The following LYPLA1 variants were observed in gnomAD, a reference collection of about 807,000 sequenced individuals.
LYPLA1 encodes the protein acyl-protein thioesterase 1.
Under a neutral mutation model 34.0 loss-of-function variants are expected in LYPLA1, and 17 were observed. The ratio of observed to expected loss-of-function variants is 0.50; its 90% CI spans 0.34 to 0.75. The LOEUF (loss-of-function observed/expected upper bound fraction) is 0.75. Ranked by LOEUF, LYPLA1 falls within the 30% of genes least tolerant of loss-of-function variation. The probability of loss-of-function intolerance (pLI) is 0.01; values close to 1 mark genes in which losing one functional copy is unlikely to be tolerated. For synonymous variants in LYPLA1, 98 were observed against 100.8 expected (o/e 0.97, Z 0.17); for missense variants, 203 against 288.8 (o/e 0.70, Z 2.15).
At chr8:54,051,604 C>T (rs900435645) in intron 7 of LYPLA1, among the ~76,000 whole-genome samples, 17 of 151,926 alleles carry the variant, frequency 1.1e-4, no homozygotes, top group African/African-American at 2.7e-4. Flanking sequence ...CGTGCCACCA[C>T]GCCCAGCTAA....
At chr8:54,075,513 C>G (rs996668107) in intron 2 of LYPLA1, among the ~76,000 whole-genome samples, 2 of 152,150 alleles carry the variant, frequency 1.3e-5, no homozygotes, top group Non-Finnish European at 2.9e-5. Context: ...AGCCACCCAC[C>G]TGGGGACAGA....
At chr8:54,089,901 T>C (rs1342204628) in intron 2 of LYPLA1, among the ~76,000 whole-genome samples, 1 of 152,224 alleles carries the variant, frequency 6.6e-6, no homozygotes, top group Non-Finnish European at 1.5e-5. Context: ...CTGAAACTAT[T>C]GCTACGGAAT....
intron 2 of LYPLA1, among the ~76,000 whole-genome samples, chr8:54,092,330 CAGAG>C (rs1011272758): frequency 1.4e-5 from 2 of 145,972 alleles, no homozygotes; most frequent in Non-Finnish European, 3.0e-5. Context: ...AAGGAGGAGA[CAGAG>C]AGAGAAGGAG....
chr8:54,085,140 C>G (rs1808618146), intron 2 of LYPLA1, among the ~76,000 whole-genome samples: 1 of 152,244 alleles, frequency 6.6e-6, no homozygotes, highest in South Asian at 2.1e-4. Flanking sequence ...GCGCGCACTG[C>G]CACGCCTGAC....
chr8:54,084,622 G>A (rs1014581481), intron 2 of LYPLA1, among the ~76,000 whole-genome samples: 2 of 151,586 alleles, frequency 1.3e-5, no homozygotes, highest in African/African-American at 4.8e-5. Context: ...TCTTTGAAAA[G>A]ATCAACAAAA....
chr8:54,073,620 C>T, intron 2 of LYPLA1: 2 of 508,678 alleles, frequency 3.9e-6, no homozygotes, highest in Non-Finnish European at 7.1e-6. Flanking sequence ...ATGCAAATTT[C>T]ATGACCAGTA....
At chr8:54,086,824 T>C (rs1287008665) in intron 2 of LYPLA1, among the ~76,000 whole-genome samples, 1 of 152,158 alleles carries the variant, frequency 6.6e-6, no homozygotes, top group Non-Finnish European at 1.5e-5. Context: ...CACTCTAGCC[T>C]GGGTGACAGA....
chr8:54,082,525 C>T (rs1486259795), intron 2 of LYPLA1, among the ~76,000 whole-genome samples: 1 of 152,008 alleles, frequency 6.6e-6, no homozygotes, highest in Non-Finnish European at 1.5e-5. Flanking sequence ...CACTATGTTG[C>T]CCAGGCTGGT....
chr8:54,056,336 AACT>A (rs1202216715), intron 5 of LYPLA1, among the ~76,000 whole-genome samples: 4 of 152,196 alleles, frequency 2.6e-5, no homozygotes, highest in African/African-American at 9.7e-5. Flanking sequence ...CAAACTATGA[AACT>A]ACTACGAGAA....
intron 5 of LYPLA1, among the ~76,000 whole-genome samples, chr8:54,056,777 G>A (rs1008691342): frequency 1.1e-4 from 16 of 152,086 alleles, no homozygotes; most frequent in African/African-American, 3.9e-4. Context: ...GCTGGGCATG[G>A]TGGTGCGCAC....
downstream of LYPLA1, chr8:54,046,246 C>G (rs1479316148): frequency 1.3e-5 from 2 of 152,090 alleles, no homozygotes; most frequent in Non-Finnish European, 2.9e-5. Flanking sequence ...AAGTCAACCA[C>G]ACCATCATCA....
intron 2 of LYPLA1, among the ~76,000 whole-genome samples, chr8:54,096,722 G>A (rs916563116): frequency 1.3e-5 from 2 of 150,820 alleles, no homozygotes; most frequent in East Asian, 1.9e-4. Flanking sequence ...CAGCCTGGAC[G>A]ACAGGGCGAG....
chr8:54,062,228 G>A (rs1400701152), intron 5 of LYPLA1, 26 bp downstream of exon 5: 1 of 1,477,294 alleles, frequency 6.8e-7, no homozygotes, highest in Admixed American at 1.8e-5. Context: ...AACACTTTTG[G>A]CTTTATAAAC....
intron 2 of LYPLA1, among the ~76,000 whole-genome samples, chr8:54,080,634 C>T (rs914810223): frequency 2.0e-5 from 3 of 152,184 alleles, no homozygotes; most frequent in African/African-American, 7.2e-5. Context: ...GTTGCCCAGG[C>T]TGGAGTGCAG....
chr8:54,098,712 TGGTG>T, intron 2 of LYPLA1, among the ~76,000 whole-genome samples: 1 of 152,268 alleles, frequency 6.6e-6, no homozygotes, highest in East Asian at 1.9e-4. Context: ...TAAAAAAGAA[TGGTG>T]TACAATTTTA....
chr8:54,093,422 CAG>C (rs1369059202), intron 2 of LYPLA1, among the ~76,000 whole-genome samples: 1 of 152,194 alleles, frequency 6.6e-6, no homozygotes, highest in East Asian at 1.9e-4. Flanking sequence ...CACATGAAGA[CAG>C]AGGCAGAGGT....
rs1805818508 is a variant in LYPLA1, at chr8:54,051,193, A to G, written c.463-5T>C. 6.3e-7 allele frequency: 1 copy of G among 1,586,014 alleles called. No individual in the cohort carries two copies. The highest frequency in any genetic ancestry group is 1.4e-5 in the African/African-American group (1 of 73,546). On this transcript the variant is annotated splice_region_variant and splice_polypyrimidine_tract_variant and intron_variant, in intron 7 of 8. Transcript: ENST00000316963. ...ATTAGCACCACCGATAGGACCCTGC[A>G]AAAAGCAAAAGAAGAAATAGTTTTA...
intron 2 of LYPLA1, among the ~76,000 whole-genome samples, chr8:54,071,167 G>C (rs1807433858): frequency 1.3e-5 from 2 of 152,130 alleles, no homozygotes; most frequent in South Asian, 2.1e-4. Context: ...CAAAGGAAAT[G>C]AAAGAAGAAC....
chr8:54,070,247 G>A (rs994946741), intron 2 of LYPLA1, among the ~76,000 whole-genome samples: 1 of 152,006 alleles, frequency 6.6e-6, no homozygotes, highest in Non-Finnish European at 1.5e-5. Context: ...CCCGGGAGGC[G>A]GAAGTTGCGG....
Sources: gnomAD v4.1 joint callset for allele counts (sites outside exome capture counted in the v4.1 genomes callset) on GRCh38, gnomAD v4.1.1 for gene constraint, MANE v1.5 for transcripts, NCBI Gene and HGNC (gene_info 2026-07-23, HGNC 2026-07-21) for gene names.